CELF2: variants seen among roughly 807,000 people sequenced by gnomAD.
CELF2 encodes CUG triplet repeat RNA-binding protein 2.
Under a neutral mutation model 62.6 loss-of-function variants are expected in CELF2, and 8 were observed. The observed-to-expected ratio is 0.13, with a 90% confidence interval of 0.07 to 0.23. The LOEUF (loss-of-function observed/expected upper bound fraction) is 0.23, where lower values mean the gene tolerates loss of function less well. Ranked by LOEUF, CELF2 falls within the 10% of genes least tolerant of loss-of-function variation. The probability of loss-of-function intolerance (pLI) is 1.00; values close to 1 mark genes in which losing one functional copy is unlikely to be tolerated. For missense variants in CELF2, 333 were observed against 671.0 expected (o/e 0.50, Z 5.56); for synonymous variants, 258 against 250.0 (o/e 1.03, Z -0.30).
chr10:10,973,085 T>A (rs760175535), intron 2 of CELF2, among the ~76,000 whole-genome samples: 4 of 151,396 alleles, frequency 2.6e-5, no homozygotes, highest in Non-Finnish European at 5.9e-5. Context: ...CGGTCAGGAG[T>A]TCGAGACCAG....
chr10:10,977,734 G>T, intron 2 of CELF2, among the ~76,000 whole-genome samples: 1 of 152,174 alleles, frequency 6.6e-6, no homozygotes, highest in Non-Finnish European at 1.5e-5. Flanking sequence ...GTACATAACT[G>T]CCTTTCTGGC....
chr10:10,547,558 A>G, the CELF2 span, among the ~76,000 whole-genome samples: 1 of 152,020 alleles, frequency 6.6e-6, no homozygotes, highest in Non-Finnish European at 1.5e-5. Context: ...TGCCTCCAAG[A>G]TCACCAGGTG....
the CELF2 span, among the ~76,000 whole-genome samples, chr10:10,674,989 G>A: frequency 5.3e-5 from 8 of 152,124 alleles, no homozygotes; most frequent in Non-Finnish European, 1.2e-4. Flanking sequence ...ATACATAGTT[G>A]AAATTGTTGT....
chr10:10,862,286 T>C (rs1221068057), intron 1 of CELF2, among the ~76,000 whole-genome samples: 1 of 152,180 alleles, frequency 6.6e-6, no homozygotes, highest in Non-Finnish European at 1.5e-5. Context: ...GGCTGGGCAG[T>C]AGTCACTTAG....
chr10:10,694,645 C>T, the CELF2 span, among the ~76,000 whole-genome samples: 1 of 150,542 alleles, frequency 6.6e-6, no homozygotes, highest in African/African-American at 2.5e-5. Context: ...GTGTGGGAGT[C>T]TAAGTCTCTT....
the CELF2 span, among the ~76,000 whole-genome samples, chr10:10,707,677 C>T: frequency 3.3e-5 from 5 of 152,250 alleles, no homozygotes; most frequent in African/African-American, 9.6e-5. Flanking sequence ...CTGTCCAGGA[C>T]GCTGAAGACA....
At chr10:10,511,165 T>A in the CELF2 span, among the ~76,000 whole-genome samples, 3 of 152,162 alleles carry the variant, frequency 2.0e-5, no homozygotes, top group African/African-American at 7.2e-5. Flanking sequence ...ATCTCAGCAC[T>A]TTGGGAGGCC....
At chr10:11,122,569 C>T (rs2057961234) in intron 1 of CELF2, among the ~76,000 whole-genome samples, 1 of 152,176 alleles carries the variant, frequency 6.6e-6, no homozygotes, top group Non-Finnish European at 1.5e-5. Context: ...GTAAGCCCTT[C>T]ATAGAGCGTA....
At chr10:11,099,880 AC>A (rs1358687137) in intron 1 of CELF2, among the ~76,000 whole-genome samples, 19 of 114,734 alleles carry the variant, frequency 1.7e-4, no homozygotes, top group South Asian at 5.2e-4. Context: ...AACAACAACA[AC>A]AACAAAAAAA....
chr10:10,742,514 A>T, the CELF2 span, among the ~76,000 whole-genome samples: 1 of 151,492 alleles, frequency 6.6e-6, no homozygotes, highest in Non-Finnish European at 1.5e-5. Context: ...TGGTGGTCCC[A>T]GCTGCTCAGG....
intron 1 of CELF2, among the ~76,000 whole-genome samples, chr10:10,803,257 G>C (rs1392867713): frequency 6.6e-6 from 1 of 152,116 alleles, no homozygotes; most frequent in Non-Finnish European, 1.5e-5. Context: ...ACTAAAACTT[G>C]CCCTTTACTC....
intron 1 of CELF2, among the ~76,000 whole-genome samples, chr10:10,846,614 T>G (rs1006565840): frequency 2.0e-5 from 3 of 152,218 alleles, no homozygotes; most frequent in African/African-American, 7.2e-5. Context: ...TAATTGCCTT[T>G]TGAGTTCAGC....
chr10:10,546,792 T>A, the CELF2 span, among the ~76,000 whole-genome samples: 1 of 152,194 alleles, frequency 6.6e-6, no homozygotes, highest in East Asian at 1.9e-4. Context: ...TTTTTTCTTT[T>A]TTTCCTGAAT....
At position 10,932,676 on chromosome 10, in the gene CELF2, A is replaced by G. The variant is rs11256925; in HGVS notation, c.89+12677A>G. Among the ~76,000 whole-genome samples the G allele has an allele frequency of 1.2e-4, 18 of 150,844 alleles. No individual in the cohort carries two copies. The East Asian group carries it at 1.4e-3, about 12-fold the overall frequency. On this transcript the variant is annotated intron_variant, in intron 2 of 13. Coordinates refer to the CELF2 transcript ENST00000636488. ...CATGATAAAGTAAATATGTATGTGT[A>G]TGTGTGTGTGTGTGTGTGTATATAT...
At chr10:10,989,747 C>A (rs952309776) in intron 2 of CELF2, among the ~76,000 whole-genome samples, 6 of 151,816 alleles carry the variant, frequency 4.0e-5, no homozygotes, top group Admixed American at 1.3e-4. Context: ...GGGAAAAAAT[C>A]TTTTTTAGGA....
In CELF2 at chr10:11,036,924, A is replaced by G. The variant is rs540666103; in HGVS notation, c.74+18761A>G. ...GTGATGCTTTTTCTGATTATCCTTC[A>G]TTACCCCTCCATGCCCCCTTTCTTC... On this transcript the variant is annotated intron_variant, in intron 1 of 12. Coordinates refer to ENST00000633077, the MANE Select transcript of CELF2 (RefSeq NM_001326342.2). Among the ~76,000 whole-genome samples, 27 of 152,108 alleles carry G rather than the reference A, an allele frequency of 1.8e-4. No individual in the cohort carries two copies. The South Asian group carries it at 5.4e-3, about 30-fold the overall frequency.
chr10:11,251,077 A>G (rs987130513), intron 4 of CELF2, among the ~76,000 whole-genome samples: 6 of 152,088 alleles, frequency 3.9e-5, no homozygotes, highest in Non-Finnish European at 7.4e-5. Context: ...GCCACCAAGA[A>G]ATGTTCCCTG....
chr10:11,160,772 G>A (rs1029951164), intron 1 of CELF2, among the ~76,000 whole-genome samples: 1 of 151,314 alleles, frequency 6.6e-6, no homozygotes, highest in Non-Finnish European at 1.5e-5. Context: ...TATTTAGTTT[G>A]CATTCTGAAG....
At chr10:11,294,389 T>G (rs752778578) in intron 9 of CELF2, among the ~76,000 whole-genome samples, 1 of 152,206 alleles carries the variant, frequency 6.6e-6, no homozygotes, top group Non-Finnish European at 1.5e-5. Flanking sequence ...ATACCACACT[T>G]ATAAAACACA....
Sources: allele counts gnomAD v4.1 joint callset (sites outside exome capture counted in the v4.1 genomes callset), GRCh38; gene constraint gnomAD v4.1.1; transcripts MANE v1.5; gene names NCBI Gene and HGNC (gene_info 2026-07-23, HGNC 2026-07-21).